TSHZ2: variants seen among roughly 807,000 people sequenced by gnomAD.
TSHZ2 encodes teashirt zinc finger homeobox 2.
In TSHZ2, 21 loss-of-function variants were observed where a neutral mutation model predicts 74.4. The observed-to-expected ratio is 0.28, with a 90% confidence interval of 0.20 to 0.41. The LOEUF (loss-of-function observed/expected upper bound fraction) is 0.41. Ranked by LOEUF, TSHZ2 falls within the 10% of genes least tolerant of loss-of-function variation. TSHZ2 has a pLI of 1.00. For missense variants in TSHZ2, 1,244 were observed against 1,293.5 expected (o/e 0.96, Z 0.59); for synonymous variants, 540 against 515.3 (o/e 1.05, Z -0.65).
chr20:53,254,265 G>A lies in TSHZ2; in HGVS notation c.807G>A (p.Glu269=), dbSNP rs758137267. 1.2e-6 allele frequency: 2 copies of A among 1,614,078 alleles called. No individual in the cohort carries two copies. Among genetic ancestry groups the A allele is most frequent in the Non-Finnish European group, 1.7e-6 (2 of 1,180,000 alleles). ...GGGCTTTCCAGGATATGGACAAAGA[G>A]GATGCTCAAAAGGTTCTGAAATGTA... ...RKRAFQDMDK[E]DAQKVLKCMF... is the part of the protein sequence containing the mutation. The change falls in exon 2 of 3, where the codon GAG becomes GAA. Residue 269 remains glutamate, a synonymous_variant. Coordinates refer to ENST00000371497, the MANE Select transcript of TSHZ2 (RefSeq NM_173485.6).
At chr20:53,363,901 T>C (rs538819067) in intron 2 of TSHZ2, among the ~76,000 whole-genome samples, 4 of 152,370 alleles carry the variant, frequency 2.6e-5, no homozygotes, top group African/African-American at 9.6e-5. Flanking sequence ...GAAAGATTTA[T>C]GGAGCATCTA....
At chr20:53,288,742 T>C (rs1991221555) in intron 2 of TSHZ2, among the ~76,000 whole-genome samples, 1 of 152,232 alleles carries the variant, frequency 6.6e-6, no homozygotes, top group African/African-American at 2.4e-5. Flanking sequence ...CTGATGCTAA[T>C]AAGTGCTAAG....
At chr20:53,158,334 G>T (rs1211298130) in intron 1 of TSHZ2, among the ~76,000 whole-genome samples, 1 of 152,150 alleles carries the variant, frequency 6.6e-6, no homozygotes, top group African/African-American at 2.4e-5. Context: ...CAGGAGAAAA[G>T]CATCATCTGA....
chr20:53,209,021 A>T lies in TSHZ2; in HGVS notation c.41-44478A>T, dbSNP rs893000100. Among the ~76,000 whole-genome samples, 3 of 152,228 alleles carry T rather than the reference A, an allele frequency of 2.0e-5. No homozygotes were observed. The East Asian group carries it at 5.8e-4, about 29-fold the overall frequency. On this transcript the variant is annotated intron_variant, in intron 1 of 2. Transcript: ENST00000371497. ...TTCCACCTACCCATTTTGACTTGGCATAAAATCAGCTTCTTTGCATGTGAA... is the reference window on the plus strand; with the variant it reads ...TTCCACCTACCCATTTTGACTTGGCTTAAAATCAGCTTCTTTGCATGTGAA...
At chr20:53,282,717 A>G (rs1991088789) in intron 2 of TSHZ2, among the ~76,000 whole-genome samples, 1 of 152,220 alleles carries the variant, frequency 6.6e-6, no homozygotes. Context: ...GGCACCTTTC[A>G]GACTGGTGAT....
intron 2 of TSHZ2, among the ~76,000 whole-genome samples, chr20:53,323,843 G>A (rs1979384208): frequency 6.6e-6 from 1 of 152,126 alleles, no homozygotes; most frequent in African/African-American, 2.4e-5. Context: ...CTCCCAAAGT[G>A]CTGGGATTAT....
intron 1 of TSHZ2, among the ~76,000 whole-genome samples, chr20:53,097,045 G>T (rs1986075544): frequency 6.6e-6 from 1 of 152,146 alleles, no homozygotes; most frequent in East Asian, 1.9e-4. Context: ...TCCTGTGTGT[G>T]GTAGGATGTG....
At chr20:53,465,839 ACT>A (rs769213843) in intron 2 of TSHZ2, among the ~76,000 whole-genome samples, 17 of 151,790 alleles carry the variant, frequency 1.1e-4, no homozygotes, top group East Asian at 7.8e-4. Context: ...ATGAATACAA[ACT>A]CTTCTTAGGA....
intron 1 of TSHZ2, among the ~76,000 whole-genome samples, chr20:53,050,357 AATG>A (rs1003002169): frequency 1.3e-5 from 2 of 151,974 alleles, no homozygotes; most frequent in Non-Finnish European, 2.9e-5. Context: ...TTCCCTTTTC[AATG>A]ATGAGGTTAG....
At position 53,293,787 on chromosome 20, in the gene TSHZ2, G is replaced by A. The variant is rs574274539; in HGVS notation, c.*8+37216G>A. Among the ~76,000 whole-genome samples the A allele has an allele frequency of 7.5e-4, 114 of 151,968 alleles. 2 individuals are homozygous for A. Among genetic ancestry groups the A allele is most frequent in the Admixed American group, 3.4e-3 (52 of 15,286 alleles). On this transcript the variant is annotated intron_variant, in intron 2 of 2. Coordinates refer to ENST00000371497, the MANE Select transcript of TSHZ2 (RefSeq NM_173485.6). Reference sequence around the variant, plus strand: ...AATCCCAGCACTTTGGGAAGCCAAGGCTGGCAGATCACGAGGTCAGGAGAT... The same window carrying A: ...AATCCCAGCACTTTGGGAAGCCAAGACTGGCAGATCACGAGGTCAGGAGAT...
intron 2 of TSHZ2, among the ~76,000 whole-genome samples, chr20:53,425,235 A>C (rs1396944148): frequency 1.3e-5 from 2 of 152,230 alleles, no homozygotes; most frequent in East Asian, 3.8e-4. Context: ...CAGAGCAGAA[A>C]TATAGTGCAG....
At chr20:53,388,789 G>A (rs1394573061) in intron 2 of TSHZ2, among the ~76,000 whole-genome samples, 1 of 151,902 alleles carries the variant, frequency 6.6e-6, no homozygotes, top group East Asian at 1.9e-4. Flanking sequence ...CACCATGTTA[G>A]CCAGGCTGGT....
intron 1 of TSHZ2, among the ~76,000 whole-genome samples, chr20:53,186,001 AAG>A (rs1988588330): frequency 6.6e-6 from 1 of 152,208 alleles, no homozygotes; most frequent in African/African-American, 2.4e-5. Context: ...TACTGACATA[AAG>A]AGGGCTTTAA....
Position 53,147,150 on chromosome 20 carries a change from A to T in TSHZ2, c.41-106349A>T, listed in dbSNP as rs566273744. ...GTGATCTCAACTCAGCTTATTACATATTTTTTGTTTCCTCATGTGACTCTC... is the reference window on the plus strand; with the variant it reads ...GTGATCTCAACTCAGCTTATTACATTTTTTTTGTTTCCTCATGTGACTCTC... On this transcript the variant is annotated intron_variant, in intron 1 of 2. Coordinates refer to ENST00000371497, the MANE Select transcript of TSHZ2 (RefSeq NM_173485.6). 5.9e-5 allele frequency among the ~76,000 whole-genome samples: 9 copies of T among 152,116 alleles called. No homozygotes were observed. The East Asian group carries it at 1.3e-3, about 23-fold the overall frequency.
At chr20:53,129,065 C>T (rs1031873278) in intron 1 of TSHZ2, among the ~76,000 whole-genome samples, 2 of 152,112 alleles carry the variant, frequency 1.3e-5, no homozygotes, top group South Asian at 4.1e-4. Context: ...GTAGGAGAAT[C>T]TCTGCACTAA....
rs147690553 is a variant in TSHZ2 at position 53,488,233 on chromosome 20, A to T, written c.*1098A>T. On this transcript the variant is annotated 3_prime_UTR_variant, in exon 3 of 3. Coordinates refer to ENST00000371497, the MANE Select transcript of TSHZ2 (RefSeq NM_173485.6). Reference sequence around the variant, plus strand: ...ATGAGATCTAATTAAGACATCCATTAAAAGCCCGTTAAAGTTAATTTAACG... The same window carrying T: ...ATGAGATCTAATTAAGACATCCATTTAAAGCCCGTTAAAGTTAATTTAACG... The T allele has an allele frequency of 6.6e-6, 1 of 152,242 alleles. No homozygotes were observed. The highest frequency in any genetic ancestry group is 1.5e-5 in the Non-Finnish European group (1 of 68,032). The allele number at this position is 152,242 out of a possible 1,614,324, so 9.4% of individuals were successfully genotyped here.
At chr20:53,395,161 T>C (rs1057069778) in intron 2 of TSHZ2, among the ~76,000 whole-genome samples, 1 of 152,220 alleles carries the variant, frequency 6.6e-6, no homozygotes, top group Non-Finnish European at 1.5e-5. Context: ...AATGAAATAA[T>C]GTCTGAGAAA....
intron 2 of TSHZ2, among the ~76,000 whole-genome samples, chr20:53,472,244 C>A (rs1190439612): frequency 1.3e-5 from 2 of 152,214 alleles, no homozygotes; most frequent in African/African-American, 4.8e-5. Flanking sequence ...AATGCCACAG[C>A]CATCCAGGGC....
rs921167701 is a variant in TSHZ2 at position 53,286,509 on chromosome 20, C to CT, written c.*8+29947dup. Among the ~76,000 whole-genome samples, 93 of 151,200 alleles carry CT rather than the reference C, an allele frequency of 6.2e-4. 1 individual carries two copies. The highest frequency in any genetic ancestry group is 1.2e-3 in the African/African-American group (51 of 41,224). ...TGGAGGTGTCACCTTTATTGTTTTT[C>CT]TTTTTTTTTGGTCTTAGGGCAGAAA... On this transcript the variant is annotated intron_variant, in intron 2 of 2. Coordinates refer to ENST00000371497, the MANE Select transcript of TSHZ2 (RefSeq NM_173485.6).
Sources: gnomAD v4.1 joint callset for allele counts (sites outside exome capture counted in the v4.1 genomes callset) on GRCh38, gnomAD v4.1.1 for gene constraint, MANE v1.5 for transcripts, NCBI Gene and HGNC (gene_info 2026-07-23, HGNC 2026-07-21) for gene names.